Variants in TBRG4 observed in about 807,000 individuals in gnomAD.
TBRG4 encodes transforming growth factor beta regulator 4.
In TBRG4, 43 loss-of-function variants were observed where a neutral mutation model predicts 65.6. The ratio of observed to expected loss-of-function variants is 0.66; its 90% confidence interval spans 0.51 to 0.85. The LOEUF is 0.85. TBRG4 is among the 40% of genes least tolerant of loss of function. The pLI, the probability that TBRG4 is intolerant of heterozygous loss-of-function variation, is 0.00. For synonymous variants in TBRG4, 366 were observed against 341.4 expected (o/e 1.07, Z -0.79); for missense variants, 709 against 787.9 (o/e 0.90, Z 1.20).
chr7:45,100,181 C>T lies in TBRG4; in HGVS notation c.*144G>A, dbSNP rs1194036400. ...TAAAGGTTTATTATACACAAGAGGA[C>T]GTTCTGTCCCTCAGAGTGGCTGGCC... is the stretch of plus-strand genomic sequence containing the variant. On this transcript the variant is annotated 3_prime_UTR_variant, in exon 11 of 11. Transcript: ENST00000258770. The T allele has an allele frequency of 6.4e-6, 4 of 627,924 alleles. No individual in the cohort carries two copies. The highest frequency in any genetic ancestry group is 2.9e-5 in the Admixed American group (1 of 34,226). 38.9% of individuals were successfully genotyped at this position (627,924 alleles called of 1,614,324 possible). A position where few individuals can be genotyped will look rare whatever the true frequency, so the allele number is the denominator to read the frequency against.
At chr7:45,103,978 A>G (rs1217722099) in intron 5 of TBRG4, 121 bp downstream of exon 5, 1 of 1,317,460 alleles carries the variant, frequency 7.6e-7, no homozygotes, top group Admixed American at 2.9e-5. Flanking sequence ...TGCAAGAAAT[A>G]TGTATTTGCC....
chr7:45,102,597 A>G, intron 6 of TBRG4, 106 bp from the exon 7 acceptor site: 3 of 1,444,412 alleles, frequency 2.1e-6, no homozygotes, highest in Non-Finnish European at 1.9e-6. Flanking sequence ...GGTTGGGATG[A>G]GGCCAGAGGA....
At chr7:45,104,747 C>T (rs1784883651) in intron 3 of TBRG4, 38 bp from the exon 4 acceptor site, 1 of 1,603,566 alleles carries the variant, frequency 6.2e-7, no homozygotes. Flanking sequence ...GCTCAATGGC[C>T]TGGGGTGGCA....
intron 2 of TBRG4, chr7:45,107,795 G>A (rs192867950): frequency 9.1e-5 from 14 of 154,196 alleles, no homozygotes; most frequent in African/African-American, 3.1e-4. Context: ...TCACATGTGA[G>A]TAAAAAGAGT....
chr7:45,105,745 C>A lies in TBRG4; in HGVS notation c.431G>T (p.Gly144Val). The A allele has an allele frequency of 6.2e-7, 1 of 1,608,664 alleles. No homozygotes were observed. The highest frequency in any genetic ancestry group is 8.5e-7 in the Non-Finnish European group (1 of 1,176,362). The change falls in exon 3 of 11, where the codon GGT (glycine) becomes GTT (valine). Residue 144 changes from glycine (G) to valine (V), a missense_variant. Physicochemically the swap from Gly to Val is moderately radical, Grantham distance 109. Coordinates refer to ENST00000258770, the MANE Select transcript of TBRG4 (RefSeq NM_004749.4). ...LNSQIASVWH[G>V]TLSKLLGSLY... ...GCTTCCCAGCAGCTTCGAGAGGGTA[C>A]CATGCCAGACCGAGGCAATCTAGGC...
rs11541073 is a variant in TBRG4, at chr7:45,109,054, G to C, written c.184C>G (p.Arg62Gly). ...TTCTCTATGTAGGGAGTAGATGCTC[G>C]TTCCTTCTCCACCGGCTCCATCAAG... is the stretch of plus-strand genomic sequence containing the variant. The part of the protein sequence containing the change: ...GSLMEPVEKE[R>G]ASTPYIEKQV... The change falls in exon 2 of 11, where the codon CGA becomes GGA. Residue 62 changes from arginine to glycine, a missense_variant. By Grantham distance (125) the Arg-to-Gly change is moderately radical (BLOSUM62 -2). Transcript: ENST00000258770. The C allele has an allele frequency of 1.2e-6, 2 of 1,613,854 alleles. No homozygotes were observed. The highest frequency in any genetic ancestry group is 1.3e-5 in the African/African-American group (1 of 75,036).
chr7:45,100,436 G>A lies in TBRG4; in HGVS notation c.1795-10C>T. 6.2e-7 allele frequency: 1 copy of A among 1,610,534 alleles called. No individual in the cohort carries two copies. On this transcript the variant is annotated splice_polypyrimidine_tract_variant and intron_variant, in intron 10 of 10. Transcript: ENST00000258770. ...ACTCATAGAATGGGACCTAGAAGGA[G>A]GCAGGGGAGACAGGTCACATGGGCA...
intron 1 of TBRG4, among the ~76,000 whole-genome samples, chr7:45,109,523 T>G (rs1785064322): frequency 6.6e-6 from 1 of 151,692 alleles, no homozygotes. Flanking sequence ...TGGGAGGGTT[T>G]CCATCCTGCT....
At chr7:45,105,794 A>C in intron 2 of TBRG4, 30 bp from the exon 3 acceptor site, 1 of 1,581,550 alleles carries the variant, frequency 6.3e-7, no homozygotes, top group Non-Finnish European at 8.6e-7. Flanking sequence ...AGGAGAAATG[A>C]TGTGGCACTG....
At chr7:45,105,398 C>G (rs28393777) in intron 3 of TBRG4, 43 bp downstream of exon 3, 1 of 1,555,594 alleles carries the variant, frequency 6.4e-7, no homozygotes, top group South Asian at 1.2e-5. Context: ...GCCCAAAGCC[C>G]AGGGGAGGCA....
chr7:45,101,786 GCAATGC>G (rs1422854527), intron 8 of TBRG4, 33 bp downstream of exon 8: 17 of 1,600,342 alleles, frequency 1.1e-5, no homozygotes, highest in Non-Finnish European at 1.4e-5. Flanking sequence ...TTAGACTCAG[GCAATGC>G]CAGGCCCTGT....
Position 45,101,556 on chromosome 7 carries a change from T to C in TBRG4, c.1626A>G (p.Ala542=), listed in dbSNP as rs1413062101. The part of the protein sequence containing the change: ...GEFLPVRDFV[A]PHLAQPTGSQ... ...TCCCAGTTGGCTGGGCAAGGTGAGG[T>C]GCCACAAAGTCCCTTACGGGCAGAA... Residue 542 remains alanine (A), a synonymous_variant, in exon 9 of 11, where the codon GCA becomes GCG. Transcript: ENST00000258770. 5 of 1,613,524 alleles carry C rather than the reference T, an allele frequency of 3.1e-6. No individual in the cohort carries two copies. The highest frequency in any genetic ancestry group is 1.3e-5 in the African/African-American group (1 of 74,876).
intron 5 of TBRG4, 111 bp downstream of exon 5, chr7:45,103,988 C>T (rs539430712): frequency 1.5e-6 from 2 of 1,369,428 alleles, no homozygotes; most frequent in African/African-American, 1.5e-5. Flanking sequence ...ATGTATTTGC[C>T]CCCACAAGTG....
intron 5 of TBRG4, chr7:45,103,663 A>G (rs1172137164): frequency 1.8e-6 from 1 of 569,818 alleles, no homozygotes; most frequent in Admixed American, 3.1e-5. Context: ...GGGGACACCT[A>G]GAAGCTGCTT....
At chr7:45,102,922 CA>C (rs1481004114) in intron 6 of TBRG4, 7 of 316,070 alleles carry the variant, frequency 2.2e-5, no homozygotes, top group Non-Finnish European at 4.2e-5. Flanking sequence ...AGGACTGTGC[CA>C]GACAAACCCC....
intron 2 of TBRG4, chr7:45,105,992 C>G: frequency 1.3e-6 from 1 of 741,574 alleles, no homozygotes; most frequent in Non-Finnish European, 2.5e-6. Flanking sequence ...AAATTTATCC[C>G]TGAGCCTGGG....
At position 45,109,175 on chromosome 7, in the gene TBRG4, A is replaced by G. The variant is rs746208356; in HGVS notation, c.63T>C (p.Pro21=). Residue 21 remains proline, a synonymous_variant, in exon 2 of 11, where the codon CCT becomes CCC. Coordinates refer to ENST00000258770, the MANE Select transcript of TBRG4 (RefSeq NM_004749.4). ...TCAGTCGGCCAACTGGAGCCATGGC[A>G]GGGGCCTGACGAGCAGCTTCTCTCA... The part of the protein sequence containing the change: ...CLLREAARQA[P]AMAPVGRLRL... 12 of 1,613,760 alleles carry G rather than the reference A, an allele frequency of 7.4e-6. No homozygotes were observed. The highest frequency in any genetic ancestry group is 5.0e-5 in the Admixed American group (3 of 59,984).
intron 2 of TBRG4, 40 bp from the exon 3 acceptor site, chr7:45,105,804 G>A: frequency 3.2e-6 from 5 of 1,570,356 alleles, no homozygotes; most frequent in Non-Finnish European, 3.5e-6. Flanking sequence ...ATGTGGCACT[G>A]TCAGTCCTGT....
chr7:45,104,308 C>T (rs923143363), intron 4 of TBRG4, 52 bp from the exon 5 acceptor site: 2 of 1,611,196 alleles, frequency 1.2e-6, no homozygotes, highest in Non-Finnish European at 1.7e-6. Flanking sequence ...CAGCAATCAC[C>T]CAGCAGCTCC....
Sources: gnomAD v4.1 joint callset for allele counts (sites outside exome capture counted in the v4.1 genomes callset) on GRCh38, gnomAD v4.1.1 for gene constraint, MANE v1.5 for transcripts, NCBI Gene and HGNC (gene_info 2026-07-23, HGNC 2026-07-21) for gene names.